Variants in IQSEC1 observed in about 807,000 individuals in gnomAD.
IQSEC1 encodes the protein IQ motif and Sec7 domain ArfGEF 1.
IQSEC1 carries 31 observed loss-of-function variants against 91.0 expected under a neutral mutation model. The observed-to-expected ratio is 0.34, with a 90% CI of 0.26 to 0.46. IQSEC1 has a LOEUF of 0.46. IQSEC1 is among the 20% of genes least tolerant of loss of function. The pLI is 1.00. For missense variants in IQSEC1, 1,388 were observed against 1,575.6 expected (o/e 0.88, Z 2.02); for synonymous variants, 699 against 662.6 (o/e 1.05, Z -0.84).
intron 1 of IQSEC1, among the ~76,000 whole-genome samples, chr3:13,228,757 T>A (rs1315916080): frequency 6.6e-6 from 1 of 152,126 alleles, no homozygotes; most frequent in African/African-American, 2.4e-5. Context: ...ACAAGAAAAC[T>A]TGTGCTGACC....
chr3:13,052,891 A>C, intron 1 of IQSEC1: 1 of 762,822 alleles, frequency 1.3e-6, no homozygotes, highest in South Asian at 1.4e-5. Context: ...TAGTGGTGAC[A>C]TTTTCTGCTT....
In IQSEC1 at chr3:13,207,418, G is replaced by GC. The variant is rs1443785399; in HGVS notation, c.273-43286dup. 6.7e-6 allele frequency among the ~76,000 whole-genome samples: 1 copy of GC among 149,288 alleles called. No homozygotes were observed. The highest frequency in any genetic ancestry group is 1.5e-5 in the Non-Finnish European group (1 of 66,782). On this transcript the variant is annotated intron_variant, in intron 1 of 15. Coordinates refer to the IQSEC1 transcript ENST00000648114. The surrounding 1 kb of genome is among the most constrained non-coding windows in gnomAD (Gnocchi z 4.8). ...TCTTCTCTGCCAGGTCCCTGGGACG[G>GC]CTTCCCTCTGGCCACCCCCAGACCC...
At chr3:13,187,147 G>A (rs571111009) in intron 1 of IQSEC1, among the ~76,000 whole-genome samples, 25 of 151,960 alleles carry the variant, frequency 1.6e-4, no homozygotes, top group African/African-American at 5.8e-4. Flanking sequence ...ACCATTCATC[G>A]TCCTACCTCA....
intron 1 of IQSEC1, among the ~76,000 whole-genome samples, chr3:13,040,344 C>A (rs1704214215): frequency 6.6e-6 from 1 of 152,232 alleles, no homozygotes; most frequent in African/African-American, 2.4e-5. Context: ...TCTTAACATT[C>A]ATGAGTTGTT....
At chr3:13,014,583 C>A (rs1414580815) in intron 1 of IQSEC1, among the ~76,000 whole-genome samples, 3 of 152,216 alleles carry the variant, frequency 2.0e-5, no homozygotes, top group Non-Finnish European at 4.4e-5. Flanking sequence ...GGCTATCTGT[C>A]TTGCCTGCCC....
intron 1 of IQSEC1, among the ~76,000 whole-genome samples, chr3:13,013,257 C>A (rs192646882): frequency 6.6e-6 from 1 of 152,322 alleles, no homozygotes; most frequent in Admixed American, 6.5e-5. Context: ...GACCACACCC[C>A]AGGCCCGGCT....
chr3:13,174,236 G>A (rs202010841), intron 1 of IQSEC1, among the ~76,000 whole-genome samples: 2 of 152,158 alleles, frequency 1.3e-5, no homozygotes, highest in Admixed American at 6.5e-5. Flanking sequence ...TACTGGGAGC[G>A]CAGCCACTGC....
At chr3:12,982,608 G>A (rs556975534) in intron 1 of IQSEC1, among the ~76,000 whole-genome samples, 12 of 152,238 alleles carry the variant, frequency 7.9e-5, no homozygotes, top group Non-Finnish European at 1.2e-4. Context: ...TGGCCCCCGT[G>A]GGTGTTTAAG....
intron 2 of IQSEC1, among the ~76,000 whole-genome samples, chr3:13,147,683 AGTGCAGTG>A (rs1192700134): frequency 2.0e-5 from 3 of 152,186 alleles, no homozygotes; most frequent in Non-Finnish European, 2.9e-5. Context: ...CCCAGGCTGG[AGTGCAGTG>A]GTGCACTCTC....
upstream of IQSEC1, among the ~76,000 whole-genome samples, chr3:13,074,887 G>A (rs1027607255): frequency 2.6e-5 from 4 of 152,198 alleles, no homozygotes; most frequent in African/African-American, 9.7e-5. Context: ...GGGGGTGAGC[G>A]ATTTGCCTAA....
intron 1 of IQSEC1, among the ~76,000 whole-genome samples, chr3:13,063,863 G>A (rs978897858): frequency 6.6e-6 from 1 of 152,188 alleles, no homozygotes; most frequent in Admixed American, 6.5e-5. Context: ...CACCACCAAG[G>A]AACTGAGACT....
intron 2 of IQSEC1, among the ~76,000 whole-genome samples, chr3:13,148,219 C>G (rs1460643169): frequency 6.6e-6 from 1 of 152,076 alleles, no homozygotes; most frequent in Non-Finnish European, 1.5e-5. Flanking sequence ...ATAACAGGAC[C>G]CTCCTCCCCA....
chr3:13,071,714 T>C (rs1226835331), intron 1 of IQSEC1, among the ~76,000 whole-genome samples: 5 of 151,842 alleles, frequency 3.3e-5, no homozygotes, highest in Admixed American at 2.6e-4. Flanking sequence ...GCCACCGTCA[T>C]CCCTCGAACC....
At chr3:13,017,245 A>G (rs1228009797) in intron 1 of IQSEC1, among the ~76,000 whole-genome samples, 1 of 152,094 alleles carries the variant, frequency 6.6e-6, no homozygotes, top group Non-Finnish European at 1.5e-5. Flanking sequence ...GCCTGAAGGC[A>G]TCTTCATTTG....
In IQSEC1 at chr3:12,899,546, A is replaced by G. The variant is rs1694009526; in HGVS notation, c.*1437T>C. The G allele has an allele frequency of 6.6e-7, 1 of 1,509,630 alleles. No individual in the cohort carries two copies. The highest frequency in any genetic ancestry group is 8.9e-7 in the Non-Finnish European group (1 of 1,119,538). 93.5% of individuals were successfully genotyped at this position (1,509,630 alleles called of 1,614,324 possible). A position where few individuals can be genotyped will look rare whatever the true frequency, so the allele number is the denominator to read the frequency against. On this transcript the variant is annotated 3_prime_UTR_variant, in exon 14 of 14. Coordinates refer to ENST00000613206, the MANE Select transcript of IQSEC1 (RefSeq NM_001134382.3). ...CAGAAGCGACAAGAGCACAGCTGAGAGTCATGTGATGCCCTGGCAGCTCAC... is the reference window on the plus strand; with the variant it reads ...CAGAAGCGACAAGAGCACAGCTGAGGGTCATGTGATGCCCTGGCAGCTCAC...
chr3:13,016,224 C>T (rs1038651267), intron 1 of IQSEC1, among the ~76,000 whole-genome samples: 1 of 152,232 alleles, frequency 6.6e-6, no homozygotes, highest in Non-Finnish European at 1.5e-5. Flanking sequence ...TGTCCGGGCC[C>T]AGGCCCCTCC....
At chr3:13,054,303 A>G (rs956705792) in intron 1 of IQSEC1, among the ~76,000 whole-genome samples, 41 of 152,088 alleles carry the variant, frequency 2.7e-4, no homozygotes, top group African/African-American at 9.7e-4. Flanking sequence ...GATGGGACCA[A>G]CAACACACTC....
intron 2 of IQSEC1, among the ~76,000 whole-genome samples, chr3:13,148,258 C>G (rs1331742348): frequency 6.6e-6 from 1 of 152,178 alleles, no homozygotes; most frequent in Non-Finnish European, 1.5e-5. Flanking sequence ...AGACACTCAT[C>G]ATCGCCATCC....
intron 1 of IQSEC1, among the ~76,000 whole-genome samples, chr3:12,991,490 GT>G (rs1314387666): frequency 6.6e-6 from 1 of 152,182 alleles, no homozygotes; most frequent in Non-Finnish European, 1.5e-5. Flanking sequence ...CCTCTTGCAC[GT>G]GAGAAACACC....
Sources: allele counts gnomAD v4.1 joint callset (sites outside exome capture counted in the v4.1 genomes callset), GRCh38; gene constraint gnomAD v4.1.1; non-coding constraint Gnocchi (gnomAD v3.1); transcripts MANE v1.5; gene names NCBI Gene and HGNC (gene_info 2026-07-23, HGNC 2026-07-21).